Variants in CARHSP1 observed in about 807,000 individuals in gnomAD.
CARHSP1 encodes the protein calcium-regulated heat-stable protein 1.
In CARHSP1, 14 loss-of-function variants were observed where a neutral mutation model predicts 12.5. That is an observed-to-expected ratio of 1.12 (90% CI 0.74 to 1.75). The LOEUF is 1.75. Among genes scored for constraint, CARHSP1 ranks in the 40% most tolerant of loss-of-function variants. The pLI is 0.00. For synonymous variants in CARHSP1, 161 were observed against 82.0 expected (o/e 1.96, Z -5.20); for missense variants, 343 against 201.6 (o/e 1.70, Z -4.25).
rs1382615052 is a variant in CARHSP1, at chr16:8,859,416, G to C, written c.-7-81C>G. ...CTTACCCCCATGTCCACGTCTGACA[G>C]TCCAGTATCTGAGGCTCATTCCTCT... On this transcript the variant is annotated intron_variant, in intron 1 of 3. Transcript: ENST00000311052. 23 of 1,264,622 alleles carry C rather than the reference G, an allele frequency of 1.8e-5. No homozygotes were observed. The Admixed American group carries it at 4.2e-4, about 23-fold the overall frequency. 78.3% of individuals were successfully genotyped at this position (1,264,622 alleles called of 1,614,324 possible).
intron 1 of CARHSP1, chr16:8,861,705 G>A: frequency 1.6e-6 from 2 of 1,288,720 alleles, no homozygotes; most frequent in Non-Finnish European, 2.0e-6. Flanking sequence ...GGCCAAGGAG[G>A]AACTCCTGAG....
Position 8,855,011 on chromosome 16 carries a change from G to GCC in CARHSP1, c.*151_*152dup, listed in dbSNP as rs141888260. ...CGGGAACACCCCACACCCCACACCT[G>GCC]CCCCCCATACCCCTTCCTCCAGGAG... On this transcript the variant is annotated 3_prime_UTR_variant, in exon 4 of 4. Transcript: ENST00000311052. 17 of 462,740 alleles carry GCC rather than the reference G, an allele frequency of 3.7e-5. No individual in the cohort carries two copies. Among genetic ancestry groups the GCC allele is most frequent in the Non-Finnish European group, 4.3e-5 (12 of 276,532 alleles). The allele number at this position is 462,740 out of a possible 1,614,324, so 28.7% of individuals were successfully genotyped here. A position where few individuals can be genotyped will look rare whatever the true frequency, so the allele number is the denominator to read the frequency against.
chr16:8,867,470 C>G (rs1363141108), intron 1 of CARHSP1: 1 of 152,342 alleles, frequency 6.6e-6, no homozygotes, highest in Non-Finnish European at 1.5e-5. Flanking sequence ...ACGGGCCCAT[C>G]TGAAATCACC....
chr16:8,859,255 C>G lies in CARHSP1; in HGVS notation c.74G>C (p.Arg25Pro), dbSNP rs372296266. 39 of 1,599,036 alleles carry G rather than the reference C, an allele frequency of 2.4e-5. No individual in the cohort carries two copies. The highest frequency in any genetic ancestry group is 4.5e-5 in the East Asian group (2 of 44,506). Residue 25 changes from arginine to proline, a missense_variant, in exon 2 of 4, where the codon CGG becomes CCG. Coordinates refer to ENST00000311052, the MANE Select transcript of CARHSP1 (RefSeq NM_014316.4). ...QASVGLLDTP[R>P]SRERSPSPLR... ...AGGGGATGGTGAGCGCTCACGGCTCCGAGGGGTGTCCAGCAGCCCGACTGA... is the reference window on the plus strand; with the variant it reads ...AGGGGATGGTGAGCGCTCACGGCTCGGAGGGGTGTCCAGCAGCCCGACTGA...
chr16:8,858,850 T>C, intron 2 of CARHSP1: 1 of 409,238 alleles, frequency 2.4e-6, no homozygotes, highest in Non-Finnish European at 4.4e-6. Context: ...GCCCTGGTGC[T>C]GTGCCCATTT....
intron 3 of CARHSP1, among the ~76,000 whole-genome samples, chr16:8,856,015 G>C: frequency 6.6e-6 from 1 of 152,126 alleles, no homozygotes; most frequent in East Asian, 1.9e-4. Context: ...CACCATGTTA[G>C]CCAGGCTGGT....
rs766993521 is a variant in CARHSP1, at chr16:8,859,339, G to C, written c.-7-4C>G. On this transcript the variant is annotated splice_region_variant and splice_polypyrimidine_tract_variant and intron_variant, in intron 1 of 3. Transcript: ENST00000311052. ...AGGCTCAGATGACATGGCTGACCTG[G>C]AAAGAGAAGAGGCTGTCAGGGGCTC... is the stretch of plus-strand genomic sequence containing the variant. The C allele has an allele frequency of 3.1e-6, 5 of 1,597,530 alleles. No individual in the cohort carries two copies. Among genetic ancestry groups the C allele is most frequent in the East Asian group, 2.2e-5 (1 of 44,686 alleles).
chr16:8,866,422 C>T, intron 1 of CARHSP1: 1 of 985,052 alleles, frequency 1.0e-6, no homozygotes. Flanking sequence ...GCGAAGTTAC[C>T]TTAGTGCACC....
At chr16:8,857,077 G>A (rs894675003) in intron 3 of CARHSP1, among the ~76,000 whole-genome samples, 1 of 152,080 alleles carries the variant, frequency 6.6e-6, no homozygotes, top group Non-Finnish European at 1.5e-5. Flanking sequence ...AGGCCAAACA[G>A]GGCTCCCCAG....
chr16:8,861,579 C>T, intron 1 of CARHSP1: 5 of 1,273,934 alleles, frequency 3.9e-6, no homozygotes, highest in Non-Finnish European at 5.1e-6. Flanking sequence ...CCTCCCCAGA[C>T]ATTGCTGCAC....
Position 8,858,437 on chromosome 16 carries a change from C to G in CARHSP1, c.194G>C (p.Gly65Ala). ...VRASQGPVYKGVCKCFCRSKG... is the reference protein window; with the variant it reads ...VRASQGPVYKAVCKCFCRSKG... ...GGACCGGCAGAAGCATTTGCAGACT[C>G]CTTTGTAGACGGGGCCCTGTGAAGC... Residue 65 changes from glycine to alanine, a missense_variant, in exon 3 of 4, where the codon GGA becomes GCA. Gly to Ala is a moderately conservative substitution (Grantham distance 60, BLOSUM62 0). Transcript: ENST00000311052. The G allele has an allele frequency of 1.2e-6, 2 of 1,614,052 alleles. No individual in the cohort carries two copies. The highest frequency in any genetic ancestry group is 2.2e-5 in the East Asian group (1 of 44,886).
intron 1 of CARHSP1, chr16:8,860,333 T>C (rs1212769792): frequency 4.1e-6 from 4 of 985,382 alleles, no homozygotes; most frequent in Non-Finnish European, 4.8e-6. Context: ...AAATTCCTTC[T>C]GTGACCCCTA....
At chr16:8,868,135 G>C (rs962639811) in intron 1 of CARHSP1, 2 of 152,682 alleles carry the variant, frequency 1.3e-5, no homozygotes, top group Non-Finnish European at 1.5e-5. Context: ...TCTGCAGATG[G>C]GGAAACTGAG....
chr16:8,863,586 C>A (rs1417725084), intron 1 of CARHSP1, among the ~76,000 whole-genome samples: 4 of 152,156 alleles, frequency 2.6e-5, no homozygotes, highest in Non-Finnish European at 4.4e-5. Context: ...GGGGCAGTGC[C>A]AACTGGGAGA....
At chr16:8,857,265 T>TG (rs2061153334) in intron 3 of CARHSP1, among the ~76,000 whole-genome samples, 1 of 11,834 alleles carries the variant, frequency 8.5e-5, no homozygotes, top group African/African-American at 2.6e-4. Flanking sequence ...GCAGATCTGT[T>TG]TTTTTTTTTT....
At chr16:8,867,434 T>C (rs953689238) in intron 1 of CARHSP1, 3 of 152,168 alleles carry the variant, frequency 2.0e-5, no homozygotes, top group African/African-American at 7.2e-5. Flanking sequence ...TCCACAATAG[T>C]GCGGCTGATG....
At chr16:8,858,663 T>C (rs543008197) in intron 2 of CARHSP1, 191 bp from the exon 3 acceptor site, 153 of 670,732 alleles carry the variant, frequency 2.3e-4, no homozygotes, top group Non-Finnish European at 3.5e-4. Context: ...AAAGGACTCT[T>C]TGGATGACCC....
chr16:8,864,167 G>C (rs1310602521), intron 1 of CARHSP1, among the ~76,000 whole-genome samples: 16 of 152,242 alleles, frequency 1.1e-4, no homozygotes, highest in Admixed American at 7.2e-4. Context: ...ACATGTGTAT[G>C]TGTGTGCTGT....
intron 1 of CARHSP1, among the ~76,000 whole-genome samples, chr16:8,859,537 G>T (rs986433152): frequency 6.6e-6 from 1 of 151,696 alleles, no homozygotes. Flanking sequence ...GGGCCCCCTC[G>T]ATCATAGCTC....
Sources: gnomAD v4.1 joint callset for allele counts (sites outside exome capture counted in the v4.1 genomes callset) on GRCh38, gnomAD v4.1.1 for gene constraint, MANE v1.5 for transcripts, NCBI Gene and HGNC (gene_info 2026-07-23, HGNC 2026-07-21) for gene names.